The following TTC23 variants were observed in gnomAD, a reference collection of about 807,000 sequenced individuals.
The protein encoded by TTC23 is tetratricopeptide repeat domain 23, also known as tetratricopeptide repeat protein 23.
TTC23 carries 58 observed loss-of-function variants against 55.1 expected under a neutral mutation model. The observed-to-expected ratio is 1.05, with a 90% confidence interval of 0.85 to 1.31. TTC23 has a LOEUF of 1.31. TTC23 is among the 50% of genes most tolerant of loss of function. TTC23 has a pLI of 0.00. For missense variants in TTC23, 516 were observed against 534.4 expected, an observed-to-expected ratio of 0.97 and a Z score of 0.34; for synonymous variants, 203 against 199.9, an observed-to-expected ratio of 1.02 and a Z score of -0.13.
chr15:99,156,164 CG>C lies in TTC23; in HGVS notation c.1126del (p.Arg376AlafsTer4), dbSNP rs749224384. 1 of 1,614,198 alleles carries C rather than the reference CG, an allele frequency of 6.2e-7. No homozygotes were observed. Among genetic ancestry groups the C allele is most frequent in the South Asian group, 1.1e-5 (1 of 91,086 alleles). On this transcript the variant is annotated frameshift_variant, in exon 12 of 14. Transcript: ENST00000394132. LOFTEE classifies it high-confidence loss of function. ...CAGCTTTACCTTCTTCAGTTTCTTG[CG>C]GGCCCCACTGTGGTTCCCCTGCGCC... is the stretch of plus-strand genomic sequence containing the variant. Reference protein sequence around the residue: ...DLAQGNHSGARKKLKKCLQIQ... With the variant: ...DLAQGNHSGAXKKLKKCLQIQ...
chr15:99,234,937 G>T lies in TTC23; in HGVS notation c.-21+51C>A, dbSNP rs796973075. ...CCACTTTGGAAAACAGTTTGGCAGG[G>T]TTTAAAAAAAAAAAAACTGGTAAAA... is the stretch of plus-strand genomic sequence containing the variant. On this transcript the variant is annotated intron_variant, in intron 4 of 13. Coordinates refer to ENST00000394132, the MANE Select transcript of TTC23 (RefSeq NM_001288615.3). 1.1e-3 allele frequency: 163 copies of T among 148,740 alleles called. 3 individuals are homozygous for T. The highest frequency in any genetic ancestry group is 3.5e-3 in the African/African-American group (145 of 40,998). The allele number at this position is 148,740 out of a possible 1,614,324, so 9.2% of individuals were successfully genotyped here.
rs554890165 is a variant in TTC23, at chr15:99,218,158, A to C, written c.581+430T>G. Among the ~76,000 whole-genome samples, 8 of 152,340 alleles carry C rather than the reference A, an allele frequency of 5.3e-5. No homozygotes were observed. In the East Asian group the frequency reaches 1.5e-3, roughly 29 times the overall value. On this transcript the variant is annotated intron_variant, in intron 8 of 13. Coordinates refer to ENST00000394132, the MANE Select transcript of TTC23 (RefSeq NM_001288615.3). ...GTGAGTATGGAGTAAGGTGAGGAAC[A>C]AAGAACAATCCTTTCGTGATCATGG...
intron 12 of TTC23, among the ~76,000 whole-genome samples, chr15:99,141,288 AAAGTC>A (rs2068205112): frequency 1.3e-5 from 2 of 152,296 alleles, no homozygotes; most frequent in South Asian, 4.1e-4. Context: ...TCATGATTAC[AAAGTC>A]AAGGGGAAAA....
chr15:99,231,961 T>A (rs552543949), intron 4 of TTC23, among the ~76,000 whole-genome samples: 35 of 150,730 alleles, frequency 2.3e-4, no homozygotes, highest in Non-Finnish European at 4.3e-4. Flanking sequence ...CCTGGCTAAT[T>A]TTGTATTTTT....
At chr15:99,165,961 C>T (rs369363523) in intron 10 of TTC23, among the ~76,000 whole-genome samples, 8 of 152,266 alleles carry the variant, frequency 5.3e-5, no homozygotes, top group Middle Eastern at 3.4e-3. Context: ...AACTGAAGAA[C>T]GTAGCTGAGC....
chr15:99,161,975 G>T, intron 10 of TTC23, 108 bp from the exon 11 acceptor site: 1 of 1,244,416 alleles, frequency 8.0e-7, no homozygotes, highest in South Asian at 1.7e-5. Context: ...GAGGTATTGG[G>T]ACAAGAAAAA....
intron 3 of TTC23, among the ~76,000 whole-genome samples, chr15:99,238,864 A>G (rs1173243098): frequency 6.6e-6 from 1 of 151,850 alleles, no homozygotes; most frequent in Non-Finnish European, 1.5e-5. Context: ...GAGTGGGTAC[A>G]GTATACAGCA....
intron 2 of TTC23, among the ~76,000 whole-genome samples, chr15:99,244,805 A>C (rs141325067): frequency 6.6e-4 from 101 of 152,326 alleles, no homozygotes; most frequent in East Asian, 3.9e-3. Context: ...TAAGATGGAA[A>C]TACGAGACTA....
At chr15:99,166,941 C>A (rs1200713074) in intron 10 of TTC23, among the ~76,000 whole-genome samples, 1 of 152,190 alleles carries the variant, frequency 6.6e-6, no homozygotes, top group African/African-American at 2.4e-5. Context: ...AGATTTCAAA[C>A]CACTTTTATC....
chr15:99,217,359 A>C (rs2077557178), intron 8 of TTC23, among the ~76,000 whole-genome samples: 1 of 152,172 alleles, frequency 6.6e-6, no homozygotes, highest in African/African-American at 2.4e-5. Flanking sequence ...GGGTTTCACC[A>C]TGTTTGTCAG....
At chr15:99,141,562 A>AT (rs1408258657) in intron 12 of TTC23, among the ~76,000 whole-genome samples, 6 of 152,282 alleles carry the variant, frequency 3.9e-5, no homozygotes, top group Admixed American at 2.0e-4. Context: ...TTCATAATAT[A>AT]TTTTTTAAAA....
chr15:99,222,952 G>A (rs1052563073), intron 5 of TTC23, among the ~76,000 whole-genome samples: 3 of 152,136 alleles, frequency 2.0e-5, no homozygotes, highest in African/African-American at 7.2e-5. Context: ...AGCCGATATC[G>A]TGCCACTGCA....
chr15:99,192,937 T>C (rs1398361638), intron 9 of TTC23, among the ~76,000 whole-genome samples: 1 of 152,236 alleles, frequency 6.6e-6, no homozygotes, highest in African/African-American at 2.4e-5. Flanking sequence ...ATGACCTGGA[T>C]GTGAGACATG....
At chr15:99,184,818 T>C (rs2074511429) in intron 9 of TTC23, among the ~76,000 whole-genome samples, 1 of 152,212 alleles carries the variant, frequency 6.6e-6, no homozygotes, top group Admixed American at 6.5e-5. Flanking sequence ...CAAAATGATA[T>C]GGTTTGGCTT....
intron 3 of TTC23, among the ~76,000 whole-genome samples, chr15:99,240,395 A>T (rs531333986): frequency 2.1e-4 from 32 of 152,038 alleles, no homozygotes; most frequent in East Asian, 1.5e-3. Flanking sequence ...GTATATATAT[A>T]TTTTTTTTCG....
At chr15:99,211,575 T>C (rs1392959433) in intron 8 of TTC23, among the ~76,000 whole-genome samples, 1 of 152,166 alleles carries the variant, frequency 6.6e-6, no homozygotes, top group Non-Finnish European at 1.5e-5. Context: ...TAAAATCACC[T>C]CTGGGATGAA....
At chr15:99,184,628 A>C (rs1447317632) in intron 9 of TTC23, among the ~76,000 whole-genome samples, 1 of 152,124 alleles carries the variant, frequency 6.6e-6, no homozygotes, top group Non-Finnish European at 1.5e-5. Context: ...TCTAGGAAGT[A>C]ACTAACTTGC....
chr15:99,231,791 C>CTGTT (rs1402276103), intron 4 of TTC23, among the ~76,000 whole-genome samples: 6 of 151,590 alleles, frequency 4.0e-5, no homozygotes, highest in South Asian at 2.1e-4. Flanking sequence ...TGCGCCTGGC[C>CTGTT]TGTTTGTTTG....
At position 99,175,103 on chromosome 15, in the gene TTC23, G is replaced by C; in HGVS notation, c.812C>G (p.Ser271Trp). ...RSPSQVEAAD[S>W]AHIVAHAAVA... ...AGCAGCATGGGCGACGATGTGTGCC[G>C]AGTCTGCTGCCTCCACTTGAGAGGG... The change falls in exon 10 of 14, where the codon TCG (serine) becomes TGG (tryptophan). Residue 271 changes from serine (S) to tryptophan (W), a missense_variant. Ser to Trp is a radical substitution (Grantham distance 177, BLOSUM62 -3). Coordinates refer to ENST00000394132, the MANE Select transcript of TTC23 (RefSeq NM_001288615.3). The C allele has an allele frequency of 1.2e-6, 2 of 1,614,184 alleles. No individual in the cohort carries two copies. The highest frequency in any genetic ancestry group is 1.7e-6 in the Non-Finnish European group (2 of 1,180,024).
Sources: gnomAD v4.1 joint callset for allele counts (sites outside exome capture counted in the v4.1 genomes callset) on GRCh38, gnomAD v4.1.1 for gene constraint, MANE v1.5 for transcripts, NCBI Gene and HGNC (gene_info 2026-07-23, HGNC 2026-07-21) for gene names.